MCC: variants seen among roughly 807,000 people sequenced by gnomAD.
MCC encodes colorectal mutant cancer protein.
Under a neutral mutation model 116.2 loss-of-function variants are expected in MCC, and 90 were observed. That is an observed-to-expected ratio of 0.77 (90% CI 0.65 to 0.92). The LOEUF (loss-of-function observed/expected upper bound fraction) is 0.92. MCC is among the 40% of genes least tolerant of loss of function. The pLI is 0.00. For synonymous variants in MCC, 578 were observed against 510.5 expected (o/e 1.13, Z -1.78); for missense variants, 1,516 against 1,312.2 (o/e 1.16, Z -2.40).
chr5:113,440,542 A>T (rs1458332699), intron 1 of MCC, among the ~76,000 whole-genome samples: 4 of 152,140 alleles, frequency 2.6e-5, no homozygotes, highest in African/African-American at 9.7e-5. Flanking sequence ...TACTCAATAG[A>T]TATTTATTTA....
intron 3 of MCC, among the ~76,000 whole-genome samples, chr5:113,220,949 T>C (rs1221615523): frequency 6.6e-6 from 1 of 152,208 alleles, no homozygotes; most frequent in Non-Finnish European, 1.5e-5. Context: ...ATGCCTATAA[T>C]CCCAGCACTT....
intron 9 of MCC, 141 bp downstream of exon 9, chr5:113,085,023 A>C: frequency 1.8e-6 from 2 of 1,098,998 alleles, no homozygotes; most frequent in Non-Finnish European, 2.7e-6. Context: ...GCTCCTGCAT[A>C]GAAGGCCTGC....
chr5:113,391,842 T>G (rs1769410278), intron 1 of MCC, among the ~76,000 whole-genome samples: 2 of 152,152 alleles, frequency 1.3e-5, no homozygotes, highest in Admixed American at 6.5e-5. Context: ...CTCTGGGGAC[T>G]GGGCATGGGT....
chr5:113,027,443 A>T lies in MCC; in HGVS notation c.2919T>A (p.His973Gln), dbSNP rs1290910923. 3 of 1,614,096 alleles carry T rather than the reference A, an allele frequency of 1.9e-6. No homozygotes were observed. The highest frequency in any genetic ancestry group is 2.5e-6 in the Non-Finnish European group (3 of 1,180,016). ...ACTCTAACTTCTTCAGTTTGTTTTG[A>T]TGCTTTTTCTTTGCTTTCTCATAGG... is the stretch of plus-strand genomic sequence containing the variant. The part of the protein sequence containing the change: ...VAAYEKAKKK[H>Q]QNKLKKLESQ... The change falls in exon 19 of 19, where the codon CAT (histidine) becomes CAA (glutamine). Residue 973 changes from histidine to glutamine, a missense_variant. His to Gln is a conservative substitution (Grantham distance 24, BLOSUM62 0). Transcript: ENST00000408903.
chr5:113,087,316 C>T (rs151089150), intron 8 of MCC, among the ~76,000 whole-genome samples: 14 of 152,338 alleles, frequency 9.2e-5, no homozygotes, highest in Non-Finnish European at 1.5e-4. Flanking sequence ...TGCTCTGCCA[C>T]GGTTCCAGTA....
At chr5:113,218,140 G>A (rs1427523482) in intron 3 of MCC, among the ~76,000 whole-genome samples, 2 of 142,570 alleles carry the variant, frequency 1.4e-5, no homozygotes, top group Non-Finnish European at 3.0e-5. Context: ...GGAGAGTGGG[G>A]GGGTGGGGGA....
rs990371874 is a variant in MCC at position 113,027,540 on chromosome 5, C to G, written c.2880-58G>C. 6 of 1,475,662 alleles carry G rather than the reference C, an allele frequency of 4.1e-6. No homozygotes were observed. In the African/African-American group the frequency reaches 6.9e-5, roughly 17 times the overall value. The allele number at this position is 1,475,662 out of a possible 1,614,324, so 91.4% of individuals were successfully genotyped here. ...ATTCATCCTAAGTAGCATCGTGACA[C>G]CATCCTGTCCACTGGATAACCAGAT... On this transcript the variant is annotated intron_variant, in intron 18 of 18. Transcript: ENST00000408903.
chr5:113,040,060 T>A (rs1384795095), intron 17 of MCC, among the ~76,000 whole-genome samples: 2 of 151,200 alleles, frequency 1.3e-5, no homozygotes, highest in Non-Finnish European at 2.9e-5. Flanking sequence ...TGTGCCAGAC[T>A]GGAAACCTGG....
At chr5:113,431,765 G>GC (rs963353135) in intron 1 of MCC, among the ~76,000 whole-genome samples, 38 of 98,770 alleles carry the variant, frequency 3.8e-4, no homozygotes, top group East Asian at 9.3e-4. Flanking sequence ...GGAGGCCAAG[G>GC]GGGGGGGGGG....
chr5:113,112,355 G>A (rs181598853), intron 6 of MCC, among the ~76,000 whole-genome samples: 146 of 152,268 alleles, frequency 9.6e-4, no homozygotes, highest in Admixed American at 2.7e-3. Context: ...CTTCTCCCAT[G>A]TTGTTCTCAT....
At chr5:113,162,140 C>T (rs564756088) in intron 3 of MCC, among the ~76,000 whole-genome samples, 2 of 152,326 alleles carry the variant, frequency 1.3e-5, no homozygotes, top group South Asian at 4.1e-4. Flanking sequence ...AGGTCTGAAT[C>T]TTCTTTCCTT....
At chr5:113,294,952 T>C (rs964799626) in intron 3 of MCC, 12 of 985,360 alleles carry the variant, frequency 1.2e-5, no homozygotes, top group Non-Finnish European at 1.4e-5. Context: ...TGGTTTCTGA[T>C]TGAACACAGC....
At chr5:113,162,152 C>A (rs1257197731) in intron 3 of MCC, among the ~76,000 whole-genome samples, 1 of 152,190 alleles carries the variant, frequency 6.6e-6, no homozygotes, top group South Asian at 2.1e-4. Context: ...TCTTTCCTTT[C>A]CAATCACTCT....
intron 1 of MCC, among the ~76,000 whole-genome samples, chr5:113,466,784 G>A (rs1381598342): frequency 6.6e-6 from 1 of 152,052 alleles, no homozygotes; most frequent in Non-Finnish European, 1.5e-5. Flanking sequence ...GGTTGAACGA[G>A]TTTACAGTCC....
chr5:113,218,069 T>A (rs1322779516), intron 3 of MCC, among the ~76,000 whole-genome samples: 1 of 137,494 alleles, frequency 7.3e-6, no homozygotes, highest in South Asian at 2.5e-4. Flanking sequence ...ATCTGGCTCT[T>A]AAGAAGCCAG....
At chr5:113,244,301 A>G (rs931037724) in intron 3 of MCC, among the ~76,000 whole-genome samples, 2 of 152,168 alleles carry the variant, frequency 1.3e-5, no homozygotes, top group East Asian at 3.8e-4. Context: ...TGTAAAATAA[A>G]TACAGTTAAA....
chr5:113,160,288 A>G (rs1054981755), intron 3 of MCC, among the ~76,000 whole-genome samples: 9 of 152,190 alleles, frequency 5.9e-5, no homozygotes, highest in African/African-American at 2.2e-4. Flanking sequence ...GAGACTGACA[A>G]TCAGCTTTAA....
intron 5 of MCC, among the ~76,000 whole-genome samples, chr5:113,138,863 G>A (rs1479640541): frequency 6.6e-6 from 1 of 152,156 alleles, no homozygotes; most frequent in Non-Finnish European, 1.5e-5. Flanking sequence ...GTACTCACTT[G>A]TGGCATGATT....
intron 1 of MCC, among the ~76,000 whole-genome samples, chr5:113,388,198 T>C (rs1185060275): frequency 6.6e-6 from 1 of 152,192 alleles, no homozygotes; most frequent in African/African-American, 2.4e-5. Flanking sequence ...GAGAGGCTGA[T>C]ATAAAAGATC....
Sources: allele counts gnomAD v4.1 joint callset (sites outside exome capture counted in the v4.1 genomes callset), GRCh38; gene constraint gnomAD v4.1.1; transcripts MANE v1.5; gene names NCBI Gene and HGNC (gene_info 2026-07-23, HGNC 2026-07-21).